Variants in BAG5 observed in about 807,000 individuals in gnomAD.
The protein encoded by BAG5 is BAG family molecular chaperone regulator 5.
In BAG5, 25 loss-of-function variants were observed where a neutral mutation model predicts 31.8. That is an observed-to-expected ratio of 0.79 (90% CI 0.57 to 1.10). BAG5 has a LOEUF of 1.10. BAG5 is among the 50% of genes least tolerant of loss of function. The pLI, the probability that BAG5 is intolerant of heterozygous loss-of-function variation, is 0.00. For synonymous variants in BAG5, 208 were observed against 205.0 expected (o/e 1.01, Z -0.13); for missense variants, 491 against 527.9 (o/e 0.93, Z 0.68).
Position 103,560,787 on chromosome 14 carries a change from G to A in BAG5, c.378C>T (p.Gly126=). ...TCAGCCTCAGAATGATATCTTGGATGCCTTCTTCAAACTCATCAGTTACGC... is the reference window on the plus strand; with the variant it reads ...TCAGCCTCAGAATGATATCTTGGATACCTTCTTCAAACTCATCAGTTACGC... ...GNCVTDEFEE[G]IQDIILRLTH... Residue 126 remains glycine, a synonymous_variant, in exon 2 of 2, where the codon GGC becomes GGT. Transcript: ENST00000299204. The A allele has an allele frequency of 6.2e-7, 1 of 1,614,058 alleles. No homozygotes were observed. The highest frequency in any genetic ancestry group is 8.5e-7 in the Non-Finnish European group (1 of 1,180,004).
At position 103,561,933 on chromosome 14, in the gene BAG5, T is replaced by A. The variant is rs7148456; in HGVS notation, c.-29+683A>T. 3.1e-6 allele frequency: 5 copies of A among 1,612,324 alleles called. No homozygotes were observed. In the East Asian group the frequency reaches 1.1e-4, roughly 36 times the overall value. On this transcript the variant is annotated intron_variant, in intron 1 of 1. Transcript: ENST00000299204. ...CTCGCCTCCCACTGGGAGTCCACAATGGCCTAATGCACGTTTCAAGCTCTT... is the reference window on the plus strand; with the variant it reads ...CTCGCCTCCCACTGGGAGTCCACAAAGGCCTAATGCACGTTTCAAGCTCTT...
rs2076057840 is a variant in BAG5 at position 103,559,701 on chromosome 14, G to A, written c.*120C>T. The A allele has an allele frequency of 4.2e-6, 5 of 1,196,030 alleles. No individual in the cohort carries two copies. The highest frequency in any genetic ancestry group is 5.8e-6 in the Non-Finnish European group (5 of 861,152). 74.1% of individuals were successfully genotyped at this position (1,196,030 alleles called of 1,614,324 possible). ...AAGCAGCAGATACTGAATAGAATTT[G>A]CTTCAATCATAAATACTGAGACTGA... is the stretch of plus-strand genomic sequence containing the variant. On this transcript the variant is annotated 3_prime_UTR_variant, in exon 2 of 2. Coordinates refer to ENST00000299204, the MANE Select transcript of BAG5 (RefSeq NM_001015048.3).
Position 103,557,112 on chromosome 14 carries a change from T to C in BAG5, c.*2709A>G, listed in dbSNP as rs922336310. 5 of 152,242 alleles carry C rather than the reference T, an allele frequency of 3.3e-5. No individual in the cohort carries two copies. Among genetic ancestry groups the C allele is most frequent in the African/African-American group, 9.6e-5 (4 of 41,458 alleles). The allele number at this position is 152,242 out of a possible 1,614,324, so 9.4% of individuals were successfully genotyped here. Reference sequence around the variant, plus strand: ...TTCCCAGCCATTTTTGGCATGAACATGGACTACAGCGTTTAATGCAGACCC... The same window carrying C: ...TTCCCAGCCATTTTTGGCATGAACACGGACTACAGCGTTTAATGCAGACCC... On this transcript the variant is annotated 3_prime_UTR_variant, in exon 2 of 2. Transcript: ENST00000299204.
At position 103,560,754 on chromosome 14, in the gene BAG5, A is replaced by C; in HGVS notation, c.411T>G (p.Val137=). The change falls in exon 2 of 2, where the codon GTT becomes GTG. Residue 137 remains valine, a synonymous_variant. Transcript: ENST00000299204. ...IQDIILRLTH[V]KTGGKISLRK... ...GCAAGGAGATTTTTCCTCCAGTTTTAACATGTGTCAGCCTCAGAATGATAT... is the reference window on the plus strand; with the variant it reads ...GCAAGGAGATTTTTCCTCCAGTTTTCACATGTGTCAGCCTCAGAATGATAT... The C allele has an allele frequency of 6.2e-7, 1 of 1,614,054 alleles. No individual in the cohort carries two copies. Among genetic ancestry groups the C allele is most frequent in the Non-Finnish European group, 8.5e-7 (1 of 1,180,030 alleles).
intron 1 of BAG5, chr14:103,562,265 C>G: frequency 2.1e-6 from 1 of 474,038 alleles, no homozygotes; most frequent in Non-Finnish European, 3.8e-6. Flanking sequence ...GGGGCCGCTA[C>G]TGGCTGCAGC....
At position 103,556,825 on chromosome 14, in the gene BAG5, G is replaced by A. The variant is rs1041777493; in HGVS notation, c.*2996C>T. On this transcript the variant is annotated 3_prime_UTR_variant, in exon 2 of 2. Transcript: ENST00000299204. ...AAAAAATAAAAAAACCCAAAACCTTGCATGCACAAGCTAAGCTCAGACCCT... is the reference window on the plus strand; with the variant it reads ...AAAAAATAAAAAAACCCAAAACCTTACATGCACAAGCTAAGCTCAGACCCT... 3 of 152,064 alleles carry A rather than the reference G, an allele frequency of 2.0e-5. No individual in the cohort carries two copies. Among genetic ancestry groups the A allele is most frequent in the Non-Finnish European group, 4.4e-5 (3 of 68,024 alleles). 9.4% of individuals were successfully genotyped at this position (152,064 alleles called of 1,614,324 possible).
In BAG5 at chr14:103,558,632, A is replaced by G. The variant is rs950175102; in HGVS notation, c.*1189T>C. The G allele has an allele frequency of 5.9e-5, 9 of 152,234 alleles. No individual in the cohort carries two copies. Among genetic ancestry groups the G allele is most frequent in the African/African-American group, 2.2e-4 (9 of 41,456 alleles). 9.4% of individuals were successfully genotyped at this position (152,234 alleles called of 1,614,324 possible). A position where few individuals can be genotyped will look rare whatever the true frequency, so the allele number is the denominator to read the frequency against. ...AATGGCTCTTTCAGGCAACAGAGAA[A>G]CCACCACATGCCCATGACATGAGCT... On this transcript the variant is annotated 3_prime_UTR_variant, in exon 2 of 2. Coordinates refer to ENST00000299204, the MANE Select transcript of BAG5 (RefSeq NM_001015048.3).
In BAG5 at chr14:103,561,095, C is replaced by G. The variant is rs756961001; in HGVS notation, c.70G>C (p.Glu24Gln). Residue 24 changes from glutamate (E) to glutamine (Q), a missense_variant, in exon 2 of 2, where the codon GAA becomes CAA. By Grantham distance (29) the Glu-to-Gln change is conservative (BLOSUM62 2). Coordinates refer to ENST00000299204, the MANE Select transcript of BAG5 (RefSeq NM_001015048.3). The part of the protein sequence containing the change: ...QEIQKEVKSV[E>Q]QQVIGFSGLS... Reference sequence around the variant, plus strand: ...CCACTGAAGCCGATAACTTGCTGTTCTACACTTTTTACTTCCTTTTGGATT... The same window carrying G: ...CCACTGAAGCCGATAACTTGCTGTTGTACACTTTTTACTTCCTTTTGGATT... 3 of 1,607,806 alleles carry G rather than the reference C, an allele frequency of 1.9e-6. No individual in the cohort carries two copies. The Admixed American group carries it at 5.0e-5, about 27-fold the overall frequency.
In BAG5 at chr14:103,561,131, T is replaced by C. The variant is rs1029301065; in HGVS notation, c.34A>G (p.Arg12Gly). 1 of 1,601,786 alleles carries C rather than the reference T, an allele frequency of 6.2e-7. No individual in the cohort carries two copies. The change falls in exon 2 of 2, where the codon AGG becomes GGG. Residue 12 changes from arginine (R) to glycine (G), a missense_variant. Physicochemically the swap from Arg to Gly is moderately radical, Grantham distance 125. Transcript: ENST00000299204. ...DMGNQHPSIS[R>G]LQEIQKEVKS... The stretch of plus-strand genomic sequence containing the variant: ...ACTTCCTTTTGGATTTCCTGAAGCC[T>C]ACTAATAGAAGGATGTTGGTTTCCC...
intron 1 of BAG5, among the ~76,000 whole-genome samples, 159 bp from the exon 2 acceptor site, chr14:103,561,351 C>T (rs899266168): frequency 6.6e-6 from 1 of 152,162 alleles, no homozygotes; most frequent in Non-Finnish European, 1.5e-5. Context: ...AGTCGTACAC[C>T]ACTACGCCCA....
chr14:103,559,815 G>T lies in BAG5; in HGVS notation c.*6C>A. The T allele has an allele frequency of 1.9e-6, 3 of 1,608,834 alleles. No individual in the cohort carries two copies. Among genetic ancestry groups the T allele is most frequent in the Admixed American group, 1.7e-5 (1 of 59,856 alleles). On this transcript the variant is annotated 3_prime_UTR_variant, in exon 2 of 2. Transcript: ENST00000299204. Reference sequence around the variant, plus strand: ...AAACAGTATCAAAAGTGAGATCTCTGGTATTTCAGTACTCCCATTCATCAG... The same window carrying T: ...AAACAGTATCAAAAGTGAGATCTCTTGTATTTCAGTACTCCCATTCATCAG...
At chr14:103,562,191 G>C in intron 1 of BAG5, 1 of 601,594 alleles carries the variant, frequency 1.7e-6, no homozygotes, top group South Asian at 1.9e-5. Flanking sequence ...CGGCACCGGA[G>C]CTGGGCCCCC....
chr14:103,560,424 T>G lies in BAG5; in HGVS notation c.741A>C (p.Glu247Asp). The change falls in exon 2 of 2, where the codon GAA (glutamate) becomes GAC (aspartate). Residue 247 changes from glutamate to aspartate, a missense_variant. Physicochemically the swap from Glu to Asp is conservative, Grantham distance 45. Transcript: ENST00000299204. ...EIRNYRREVV[E>D]DINKLLKYLD... ...GATATTTCAATAATTTGTTGATATCTTCTACTACCTCCCTCCGATAATTTC... is the reference window on the plus strand; with the variant it reads ...GATATTTCAATAATTTGTTGATATCGTCTACTACCTCCCTCCGATAATTTC... 1 of 1,614,204 alleles carries G rather than the reference T, an allele frequency of 6.2e-7. No individual in the cohort carries two copies. The highest frequency in any genetic ancestry group is 1.3e-5 in the African/African-American group (1 of 75,046).
rs761458604 is a variant in BAG5 at position 103,560,716 on chromosome 14, T to C, written c.449A>G (p.Tyr150Cys). The change falls in exon 2 of 2, where the codon TAT becomes TGT. Residue 150 changes from tyrosine to cysteine, a missense_variant. By Grantham distance (194) the Tyr-to-Cys change is radical (BLOSUM62 -2). Transcript: ENST00000299204. ...GGKISLRKAR[Y>C]HTLTKICAVQ... is the part of the protein sequence containing the mutation. The stretch of plus-strand genomic sequence containing the variant: ...CGCACAGATTTTGGTTAAAGTGTGA[T>C]ACCTTGCTTTCCGCAAGGAGATTTT... 17 of 1,614,064 alleles carry C rather than the reference T, an allele frequency of 1.1e-5. No homozygotes were observed. The Admixed American group carries it at 2.8e-4, about 27-fold the overall frequency.
rs377074898 is a variant in BAG5 at position 103,561,974 on chromosome 14, G to A, written c.-29+642C>T. The A allele has an allele frequency of 7.6e-5, 123 of 1,613,920 alleles. No homozygotes were observed. The African/African-American group carries it at 9.7e-4, about 13-fold the overall frequency. On this transcript the variant is annotated intron_variant, in intron 1 of 1. Coordinates refer to ENST00000299204, the MANE Select transcript of BAG5 (RefSeq NM_001015048.3). ...TCAAGCTCTTGGTTTCTATCAAACG[G>A]CTCGCTCAAGGTGGGTAACCAATGG...
rs2142261254 is a variant in BAG5 at position 103,560,133 on chromosome 14, T to G, written c.1032A>C (p.Thr344=). The change falls in exon 2 of 2, where the codon ACA becomes ACC. Residue 344 remains threonine, a synonymous_variant. Transcript: ENST00000299204. ...RAVIEVQTLI[T]YIDLKEALEK... is the part of the protein sequence containing the mutation. ...CAAGGGCCTCCTTCAAGTCAATATA[T>G]GTGATCAGAGTTTGCACCTCGATCA... The G allele has an allele frequency of 1.9e-6, 3 of 1,614,178 alleles. No individual in the cohort carries two copies. Among genetic ancestry groups the G allele is most frequent in the Middle Eastern group, 3.3e-4 (2 of 6,062 alleles).
At chr14:103,562,196 G>C (rs556096722) in intron 1 of BAG5, 1 of 595,666 alleles carries the variant, frequency 1.7e-6, no homozygotes, top group African/African-American at 1.9e-5. Context: ...CCGGAGCTGG[G>C]CCCCCAGCTG....
rs764822568 is a variant in BAG5 at position 103,560,492 on chromosome 14, C to T, written c.673G>A (p.Ala225Thr). Reference protein sequence around the residue: ...HLSCVLSGLIADLDALDVCGR... With the variant: ...HLSCVLSGLITDLDALDVCGR... ...CACACATCTAGAGCATCCAGGTCAGCGATCAGCCCCGAGAGCACACAGGAT... is the reference window on the plus strand; with the variant it reads ...CACACATCTAGAGCATCCAGGTCAGTGATCAGCCCCGAGAGCACACAGGAT... Residue 225 changes from alanine (A) to threonine (T), a missense_variant, in exon 2 of 2, where the codon GCT becomes ACT. Physicochemically the swap from Ala to Thr is moderately conservative, Grantham distance 58. Transcript: ENST00000299204. 3.1e-6 allele frequency: 5 copies of T among 1,613,956 alleles called. No individual in the cohort carries two copies. In the South Asian group the frequency reaches 4.4e-5, roughly 14 times the overall value.
rs1381296587 is a variant in BAG5, at chr14:103,561,999, G to C, written c.-29+617C>G. 16 of 1,613,032 alleles carry C rather than the reference G, an allele frequency of 9.9e-6. No homozygotes were observed. The highest frequency in any genetic ancestry group is 1.7e-5 in the Admixed American group (1 of 60,024). On this transcript the variant is annotated intron_variant, in intron 1 of 1. Transcript: ENST00000299204. ...GCTCGCTCAAGGTGGGTAACCAATGGAAACGCATAATCTATCCCCGGCGGA... is the reference window on the plus strand; with the variant it reads ...GCTCGCTCAAGGTGGGTAACCAATGCAAACGCATAATCTATCCCCGGCGGA...
Sources: gnomAD v4.1 joint callset for allele counts (sites outside exome capture counted in the v4.1 genomes callset) on GRCh38, gnomAD v4.1.1 for gene constraint, MANE v1.5 for transcripts, NCBI Gene and HGNC (gene_info 2026-07-23, HGNC 2026-07-21) for gene names.